The following FAM117A variants were observed in gnomAD, a reference collection of about 807,000 sequenced individuals.
FAM117A encodes family with sequence similarity 117 member A, also known as protein FAM117A.
A neutral mutation model predicts 44.1 loss-of-function variants in FAM117A; 21 were observed. The ratio of observed to expected loss-of-function variants is 0.48; its 90% confidence interval spans 0.34 to 0.69. The LOEUF is 0.69. Among genes scored for constraint, FAM117A ranks in the 30% least tolerant of loss-of-function variants. The pLI, the probability that FAM117A is intolerant of heterozygous loss-of-function variation, is 0.01. For missense variants in FAM117A, 498 were observed against 589.9 expected, an observed-to-expected ratio of 0.84 and a Z score of 1.61; for synonymous variants, 220 against 238.3, an observed-to-expected ratio of 0.92 and a Z score of 0.71.
At chr17:49,788,803 G>T (rs762261423), upstream of FAM117A, 1 of 1,578,738 alleles carries the variant, frequency 6.3e-7, no homozygotes. Context: ...GCCGCTGCCC[G>T]AATCGGAACC....
At chr17:49,754,671 G>T (rs2073691147) in intron 1 of FAM117A, among the ~76,000 whole-genome samples, 1 of 152,060 alleles carries the variant, frequency 6.6e-6, no homozygotes, top group South Asian at 2.1e-4. Flanking sequence ...GGGAAGAGGG[G>T]ATAAGAGAAG....
At chr17:49,785,942 C>G (rs541777246) in intron 1 of FAM117A, among the ~76,000 whole-genome samples, 1 of 152,290 alleles carries the variant, frequency 6.6e-6, no homozygotes, top group South Asian at 2.1e-4. Context: ...GGCAACCAGT[C>G]AGAGGCATTG....
rs373409560 is a variant in FAM117A, at chr17:49,716,122, G to A, written c.1061+43C>T. ...GACTGAAGAAGGTGGGAGAATGTAG[G>A]CCCACCCTCCCCTCCCACACCCTGT... On this transcript the variant is annotated intron_variant, in intron 7 of 7. Coordinates refer to ENST00000240364, the MANE Select transcript of FAM117A (RefSeq NM_030802.4). The A allele has an allele frequency of 8.9e-6, 14 of 1,580,726 alleles. No individual in the cohort carries two copies. The East Asian group carries it at 3.1e-4, about 35-fold the overall frequency.
intron 7 of FAM117A, among the ~76,000 whole-genome samples, chr17:49,714,334 CTT>C (rs541335118): frequency 2.2e-4 from 31 of 139,110 alleles, no homozygotes; most frequent in Admixed American, 2.9e-4. Context: ...CACCACCACT[CTT>C]TTTTTTTTTT....
chr17:49,788,181 T>TC (rs1400541529), intron 1 of FAM117A, among the ~76,000 whole-genome samples: 1 of 152,186 alleles, frequency 6.6e-6, no homozygotes, highest in Non-Finnish European at 1.5e-5. Flanking sequence ...ACGCTATCCG[T>TC]TAGTTCCTTT....
intron 1 of FAM117A, among the ~76,000 whole-genome samples, chr17:49,734,035 C>T (rs1206050492): frequency 2.0e-5 from 3 of 150,400 alleles, no homozygotes; most frequent in African/African-American, 4.9e-5. Flanking sequence ...CCCAGCTACT[C>T]GGGAGGCTGA....
At chr17:49,756,860 T>C (rs1388994706) in intron 1 of FAM117A, among the ~76,000 whole-genome samples, 1 of 147,258 alleles carries the variant, frequency 6.8e-6, no homozygotes, top group Admixed American at 6.9e-5. Flanking sequence ...GAGGTTTCAG[T>C]GAGCTGAGAT....
intron 2 of FAM117A, among the ~76,000 whole-genome samples, chr17:49,731,409 A>T (rs559233237): frequency 1.6e-4 from 24 of 152,354 alleles, no homozygotes; most frequent in African/African-American, 5.8e-4. Context: ...CTAAGAATGA[A>T]GTCCTGAATC....
chr17:49,777,179 C>G (rs1054894836), intron 1 of FAM117A, among the ~76,000 whole-genome samples: 3 of 152,184 alleles, frequency 2.0e-5, no homozygotes, highest in African/African-American at 7.2e-5. Context: ...AGCTTGCAGC[C>G]TTCTGCCTGG....
At chr17:49,740,495 C>A (rs1421918744) in intron 1 of FAM117A, among the ~76,000 whole-genome samples, 2 of 152,214 alleles carry the variant, frequency 1.3e-5, no homozygotes, top group Non-Finnish European at 2.9e-5. Context: ...GTGATCCGCC[C>A]ACCTTGTCCT....
At chr17:49,723,425 G>A (rs2073544675) in intron 2 of FAM117A, among the ~76,000 whole-genome samples, 1 of 152,176 alleles carries the variant, frequency 6.6e-6, no homozygotes, top group Non-Finnish European at 1.5e-5. Flanking sequence ...CCGACCCAAG[G>A]GAGGAAGCTG....
chr17:49,761,177 T>G (rs575804541), intron 1 of FAM117A, among the ~76,000 whole-genome samples: 1 of 152,346 alleles, frequency 6.6e-6, no homozygotes, highest in Non-Finnish European at 1.5e-5. Context: ...GTGGCGACCC[T>G]TAATTGTTCC....
At chr17:49,771,023 A>G (rs1235731723) in intron 1 of FAM117A, among the ~76,000 whole-genome samples, 2 of 152,122 alleles carry the variant, frequency 1.3e-5, no homozygotes, top group East Asian at 1.9e-4. Flanking sequence ...CCTGGCCAAC[A>G]TGGAGACACC....
intron 1 of FAM117A, among the ~76,000 whole-genome samples, chr17:49,781,809 C>G (rs1203398353): frequency 6.6e-6 from 1 of 151,900 alleles, no homozygotes; most frequent in Non-Finnish European, 1.5e-5. Flanking sequence ...AGACCCCGAT[C>G]TCTACAGAAA....
chr17:49,767,861 C>A (rs1278506857), upstream of FAM117A, among the ~76,000 whole-genome samples: 1 of 151,944 alleles, frequency 6.6e-6, no homozygotes, highest in African/African-American at 2.4e-5. Context: ...CAAGATTGCA[C>A]CACTGCGCTC....
At chr17:49,720,209 C>G in intron 4 of FAM117A, 117 bp downstream of exon 4, 1 of 819,714 alleles carries the variant, frequency 1.2e-6, no homozygotes, top group Non-Finnish European at 1.9e-6. Flanking sequence ...TAAAACTTCA[C>G]AAAGCATGCA....
At chr17:49,736,385 T>C (rs1398167504) in intron 1 of FAM117A, among the ~76,000 whole-genome samples, 1 of 151,830 alleles carries the variant, frequency 6.6e-6, no homozygotes, top group African/African-American at 2.4e-5. Flanking sequence ...GCCTCCCAAA[T>C]AACTGGGACT....
At chr17:49,739,530 G>C (rs910621646) in intron 1 of FAM117A, among the ~76,000 whole-genome samples, 2 of 152,202 alleles carry the variant, frequency 1.3e-5, no homozygotes, top group Non-Finnish European at 2.9e-5. Context: ...AGTTGAGATA[G>C]AGGCTCTTGG....
intron 1 of FAM117A, among the ~76,000 whole-genome samples, chr17:49,788,000 C>T (rs1245527801): frequency 1.3e-5 from 2 of 152,202 alleles, no homozygotes; most frequent in Non-Finnish European, 2.9e-5. Context: ...CAAACCCAAA[C>T]ACAGTGCGGT....
Sources: gnomAD v4.1 joint callset for allele counts (sites outside exome capture counted in the v4.1 genomes callset) on GRCh38, gnomAD v4.1.1 for gene constraint, MANE v1.5 for transcripts, NCBI Gene and HGNC (gene_info 2026-07-23, HGNC 2026-07-21) for gene names.